NOL10: variants seen among roughly 807,000 people sequenced by gnomAD.
NOL10 encodes nucleolar protein 10.
A neutral mutation model predicts 103.5 loss-of-function variants in NOL10; 58 were observed. That is an observed-to-expected ratio of 0.56 (90% CI 0.45 to 0.70). The LOEUF (loss-of-function observed/expected upper bound fraction) is 0.70, where lower values mean the gene tolerates loss of function less well. NOL10 is among the 30% of genes least tolerant of loss of function. The pLI is 0.00. For synonymous variants in NOL10, 287 were observed against 282.5 expected, an observed-to-expected ratio of 1.02 and a Z score of -0.16; for missense variants, 763 against 807.3, an observed-to-expected ratio of 0.95 and a Z score of 0.67.
chr2:10,661,623 G>A (rs934768033), intron 9 of NOL10, among the ~76,000 whole-genome samples: 11 of 151,316 alleles, frequency 7.3e-5, no homozygotes, highest in African/African-American at 2.2e-4. Context: ...CTCCAGCTTC[G>A]GCCTTTCAAA....
intron 9 of NOL10, among the ~76,000 whole-genome samples, chr2:10,662,583 C>T (rs1243979034): frequency 6.6e-6 from 1 of 151,586 alleles, no homozygotes; most frequent in Non-Finnish European, 1.5e-5. Context: ...ATTAGGCAAA[C>T]AGGAACAAGA....
chr2:10,661,403 ACT>A (rs1680195504), intron 9 of NOL10, among the ~76,000 whole-genome samples: 1 of 143,626 alleles, frequency 7.0e-6, no homozygotes, highest in Non-Finnish European at 1.5e-5. Flanking sequence ...ATGGAGTCTC[ACT>A]CTGTTACCCA....
At chr2:10,657,927 C>A in intron 10 of NOL10, 36 bp from the exon 11 acceptor site, 1 of 1,429,892 alleles carries the variant, frequency 7.0e-7, no homozygotes, top group Non-Finnish European at 9.4e-7. Context: ...ACAAACTAGA[C>A]ATTTTATCTT....
At chr2:10,638,359 T>A (rs999428185) in intron 13 of NOL10, among the ~76,000 whole-genome samples, 6 of 149,256 alleles carry the variant, frequency 4.0e-5, no homozygotes, top group Admixed American at 2.0e-4. Flanking sequence ...TAACGTAACG[T>A]AACAGTACCT....
At chr2:10,611,936 A>C (rs1676592767) in intron 13 of NOL10, among the ~76,000 whole-genome samples, 1 of 151,642 alleles carries the variant, frequency 6.6e-6, no homozygotes. Context: ...AAACAAAACA[A>C]AACAAAAACA....
intron 1 of NOL10, among the ~76,000 whole-genome samples, chr2:10,688,437 C>T (rs1289579166): frequency 1.3e-5 from 2 of 152,210 alleles, no homozygotes; most frequent in African/African-American, 2.4e-5. Flanking sequence ...ATGTCCAGTG[C>T]ATTCCCATGT....
chr2:10,635,138 G>C (rs1558307636), intron 13 of NOL10, among the ~76,000 whole-genome samples: 1 of 152,126 alleles, frequency 6.6e-6, no homozygotes, highest in Non-Finnish European at 1.5e-5. Context: ...TATACACACA[G>C]ACTGAAGGTA....
chr2:10,603,579 A>C (rs10929686), intron 14 of NOL10, among the ~76,000 whole-genome samples: 90,035 of 152,072 alleles, frequency 0.59, 27,673 homozygotes, highest in African/African-American at 0.74. Context: ...CACTCACAAA[A>C]ACAACGTAGA....
chr2:10,603,219 T>C, intron 14 of NOL10, 62 bp from the exon 15 acceptor site: 3 of 1,230,410 alleles, frequency 2.4e-6, no homozygotes, highest in Non-Finnish European at 3.5e-6. Context: ...ATTCAACAGT[T>C]TTTCTTGGGC....
chr2:10,689,683 G>A (rs2148380231), intron 1 of NOL10, 113 bp downstream of exon 1: 3 of 1,077,926 alleles, frequency 2.8e-6, no homozygotes, highest in Non-Finnish European at 4.1e-6. Context: ...CCGAGTCGGG[G>A]GGTGACCAGC....
intron 17 of NOL10, among the ~76,000 whole-genome samples, chr2:10,590,639 G>A (rs1161167836): frequency 6.6e-6 from 1 of 152,136 alleles, no homozygotes; most frequent in Non-Finnish European, 1.5e-5. Context: ...ACTAATTGTT[G>A]TCAAAGGATA....
chr2:10,583,004 T>C (rs914553980), intron 19 of NOL10, among the ~76,000 whole-genome samples: 16 of 152,178 alleles, frequency 1.1e-4, no homozygotes, highest in African/African-American at 3.6e-4. Context: ...GAGAAACGAG[T>C]GCCAGTGAGG....
intron 13 of NOL10, among the ~76,000 whole-genome samples, chr2:10,624,589 A>G (rs1414800806): frequency 6.6e-6 from 1 of 152,100 alleles, no homozygotes; most frequent in Admixed American, 6.5e-5. Flanking sequence ...ATAGATGGGA[A>G]ATGTAGACAG....
At chr2:10,578,979 A>G (rs926802269) in intron 19 of NOL10, among the ~76,000 whole-genome samples, 1 of 152,240 alleles carries the variant, frequency 6.6e-6, no homozygotes, top group Non-Finnish European at 1.5e-5. Flanking sequence ...CTGAAGAAAG[A>G]AAAAGGCTGA....
intron 17 of NOL10, 108 bp from the exon 18 acceptor site, chr2:10,589,859 G>A (rs1422827598): frequency 4.5e-6 from 3 of 662,808 alleles, no homozygotes; most frequent in African/African-American, 3.7e-5. Context: ...TAAGCGGCAT[G>A]AGGCATACAT....
At chr2:10,625,046 C>T (rs1221475018) in intron 13 of NOL10, among the ~76,000 whole-genome samples, 1 of 152,146 alleles carries the variant, frequency 6.6e-6, no homozygotes, top group East Asian at 1.9e-4. Context: ...TGTATGATTT[C>T]AGCTATATGA....
chr2:10,577,104 T>C (rs1674491127), intron 20 of NOL10, among the ~76,000 whole-genome samples: 1 of 152,212 alleles, frequency 6.6e-6, no homozygotes, highest in Non-Finnish European at 1.5e-5. Context: ...ATGGATCTTA[T>C]AAATCAATTT....
chr2:10,650,603 G>T (rs899981857), intron 12 of NOL10, among the ~76,000 whole-genome samples: 3 of 151,864 alleles, frequency 2.0e-5, no homozygotes, highest in Non-Finnish European at 2.9e-5. Flanking sequence ...TTATCGTGAG[G>T]CCAGGGGAGA....
intron 13 of NOL10, among the ~76,000 whole-genome samples, chr2:10,641,358 T>TAAA: frequency 6.8e-6 from 1 of 147,788 alleles, no homozygotes; most frequent in Non-Finnish European, 1.5e-5. Flanking sequence ...CATTAAAGCT[T>TAAA]AAAAAAAAAA....
Sources: gnomAD v4.1 joint callset for allele counts (sites outside exome capture counted in the v4.1 genomes callset) on GRCh38, gnomAD v4.1.1 for gene constraint, MANE v1.5 for transcripts, NCBI Gene and HGNC (gene_info 2026-07-23, HGNC 2026-07-21) for gene names.